The following COL18A1 variants were observed in gnomAD, a reference collection of about 807,000 sequenced individuals.
The protein encoded by COL18A1 is collagen alpha-1(XVIII) chain.
A neutral mutation model predicts 168.0 loss-of-function variants in COL18A1; 133 were observed. That is an observed-to-expected ratio of 0.79 (90% CI 0.69 to 0.91). The LOEUF is 0.91. Among genes scored for constraint, COL18A1 ranks in the 40% least tolerant of loss-of-function variants. The pLI is 0.00. For synonymous variants in COL18A1, 949 were observed against 809.0 expected, an observed-to-expected ratio of 1.17 and a Z score of -2.94; for missense variants, 2,126 against 1,925.4, an observed-to-expected ratio of 1.10 and a Z score of -1.95.
Position 45,467,437 on chromosome 21 carries a change from A to G in COL18A1, c.107-805A>G, listed in dbSNP as rs375809183. 6.4e-4 allele frequency: 630 copies of G among 985,336 alleles called. 7 individuals are homozygous for G. In the South Asian group the frequency reaches 0.023, roughly 37 times the overall value. 61.0% of individuals were successfully genotyped at this position (985,336 alleles called of 1,614,324 possible). ...ACGTTGGCAGGTACGTCAGGCATGC[A>G]GCCCCTCCAAGGGGTGATTGTGGCC... On this transcript the variant is annotated intron_variant, in intron 2 of 41. Coordinates refer to ENST00000651438, the MANE Select transcript of COL18A1 (RefSeq NM_001379500.1).
At position 45,451,038 on chromosome 21, in the gene COL18A1, G is replaced by A. The variant is rs73909556; in HGVS notation, c.107-17204G>A. ...ACCTCTGGAGACAGGGCCCGACTCT[G>A]CAGGACGGCACCAGTGGGGGACAGC... On this transcript the variant is annotated intron_variant, in intron 2 of 41. Transcript: ENST00000651438. Among the ~76,000 whole-genome samples the A allele has an allele frequency of 5.4e-3, 826 of 152,368 alleles. 12 individuals are homozygous for A. The highest frequency in any genetic ancestry group is 0.019 in the African/African-American group (800 of 41,586).
At chr21:45,436,691 T>C (rs1403040559) in intron 2 of COL18A1, among the ~76,000 whole-genome samples, 1 of 142,162 alleles carries the variant, frequency 7.0e-6, no homozygotes, top group Non-Finnish European at 1.5e-5. Flanking sequence ...GGGAGGGAGC[T>C]GAGGCTGCTC....
At chr21:45,488,353 C>T (rs966324566) in intron 17 of COL18A1, 65 bp from the exon 18 acceptor site, 61 of 1,609,526 alleles carry the variant, frequency 3.8e-5, no homozygotes, top group South Asian at 2.9e-4. Context: ...GCTTTTCTTG[C>T]GGCAGACGCA....
At chr21:45,502,418 C>T (rs1346147232) in intron 32 of COL18A1, 1 of 152,214 alleles carries the variant, frequency 6.6e-6, no homozygotes, top group African/African-American at 2.4e-5. Flanking sequence ...TGTTTCTACA[C>T]ATCAGCCTAA....
intron 9 of COL18A1, among the ~76,000 whole-genome samples, chr21:45,479,226 C>T (rs907024333): frequency 6.6e-6 from 1 of 152,106 alleles, no homozygotes; most frequent in Non-Finnish European, 1.5e-5. Flanking sequence ...CACACATGCA[C>T]ACACAGCACA....
rs1193206994 is a variant in COL18A1, at chr21:45,509,587, G to A, written c.3481G>A (p.Asp1161Asn). 63 of 1,511,088 alleles carry A rather than the reference G, an allele frequency of 4.2e-5. No homozygotes were observed. Among genetic ancestry groups the A allele is most frequent in the Non-Finnish European group, 5.3e-5 (60 of 1,126,968 alleles). The allele number at this position is 1,511,088 out of a possible 1,614,324, so 93.6% of individuals were successfully genotyped here. A position where few individuals can be genotyped will look rare whatever the true frequency, so the allele number is the denominator to read the frequency against. Reference protein sequence around the residue: ...PTSPPAHSHRDFQPVLHLVAL... With the variant: ...PTSPPAHSHRNFQPVLHLVAL... ...AAGCCCACCCGCCCACAGCCACCGC[G>A]ACTTCCAGCCGGTGGTGAGTGCCCC... is the stretch of plus-strand genomic sequence containing the variant. The change falls in exon 39 of 42, where the codon GAC becomes AAC. Residue 1161 changes from aspartate to asparagine, a missense_variant. Asp to Asn is a conservative substitution (Grantham distance 23). Transcript: ENST00000651438.
Position 45,492,729 on chromosome 21 carries a change from C to A in COL18A1, c.2214+16C>A. The A allele has an allele frequency of 7.2e-7, 1 of 1,383,064 alleles. No individual in the cohort carries two copies. Among genetic ancestry groups the A allele is most frequent in the South Asian group, 1.2e-5 (1 of 85,636 alleles). 85.7% of individuals were successfully genotyped at this position (1,383,064 alleles called of 1,614,324 possible). ...AGGCTTTCCCGTGAGTAACCTGGTG[C>A]CAGAGCTGCATGCTGCCCGGCTGGG... On this transcript the variant is annotated intron_variant, in intron 24 of 41. Coordinates refer to ENST00000651438, the MANE Select transcript of COL18A1 (RefSeq NM_001379500.1).
chr21:45,480,538 T>C lies in COL18A1; in HGVS notation c.1452+18T>C. ...CCCTGCGGGTGAGTGGCCCTTAAAC[T>C]GCAGCGCTGCCCGATGTCTGTGCCC... On this transcript the variant is annotated intron_variant, in intron 12 of 41. Coordinates refer to ENST00000651438, the MANE Select transcript of COL18A1 (RefSeq NM_001379500.1). 1 of 1,613,942 alleles carries C rather than the reference T, an allele frequency of 6.2e-7. No homozygotes were observed. Among genetic ancestry groups the C allele is most frequent in the South Asian group, 1.1e-5 (1 of 91,084 alleles).
At chr21:45,459,535 TCCACCCCGCCGGC>T (rs2034970562) in intron 2 of COL18A1, among the ~76,000 whole-genome samples, 1 of 152,194 alleles carries the variant, frequency 6.6e-6, no homozygotes, top group South Asian at 2.1e-4. Flanking sequence ...GCCCTGTGTG[TCCACCCCGCCGGC>T]CCACCTCGAG....
In COL18A1 at chr21:45,477,444, C is replaced by T. The variant is rs372492704; in HGVS notation, c.962C>T (p.Thr321Met). Reference protein sequence around the residue: ...QTLPGSDSVSTWDGSVRTPGG... With the variant: ...QTLPGSDSVSMWDGSVRTPGG... ...CTTCCTGGCTCAGATTCTGTCTCCA[C>T]GTGGGACGGGAGTGTCCGGACCCCT... Residue 321 changes from threonine to methionine, a missense_variant, in exon 7 of 42, where the codon ACG (threonine) becomes ATG (methionine). By Grantham distance (81) the Thr-to-Met change is moderately conservative (BLOSUM62 -1). Coordinates refer to ENST00000651438, the MANE Select transcript of COL18A1 (RefSeq NM_001379500.1). 4.7e-5 allele frequency: 76 copies of T among 1,613,158 alleles called. No homozygotes were observed. Among genetic ancestry groups the T allele is most frequent in the East Asian group, 6.7e-5 (3 of 44,858 alleles).
intron 9 of COL18A1, 76 bp from the exon 10 acceptor site, chr21:45,479,826 G>T: frequency 6.3e-7 from 1 of 1,595,694 alleles, no homozygotes. Flanking sequence ...CCTGCTTGGG[G>T]GAGGAGCACT....
In COL18A1 at chr21:45,483,367, T is replaced by A. The variant is rs533228394; in HGVS notation, c.1701+546T>A. Among the ~76,000 whole-genome samples the A allele has an allele frequency of 2.6e-5, 4 of 152,286 alleles. No homozygotes were observed. The East Asian group carries it at 7.7e-4, about 29-fold the overall frequency. ...CCTGGCCCAGAGTCTGCTCAGACCC[T>A]CTGGACTCGGGGCAGCTGCTCTCCA... is the stretch of plus-strand genomic sequence containing the variant. On this transcript the variant is annotated intron_variant, in intron 15 of 41. Transcript: ENST00000651438.
At chr21:45,433,277 A>T (rs1311500423) in intron 2 of COL18A1, among the ~76,000 whole-genome samples, 2 of 152,226 alleles carry the variant, frequency 1.3e-5, no homozygotes, top group Admixed American at 1.3e-4. Flanking sequence ...TACGGCTCTT[A>T]AAAGCCCTTT....
At chr21:45,511,328 C>T (rs1484606711) in intron 41 of COL18A1, 102 bp downstream of exon 41, 1 of 709,494 alleles carries the variant, frequency 1.4e-6, no homozygotes, top group African/African-American at 1.8e-5. Context: ...TTGGACAAAT[C>T]TTATACATGC....
At chr21:45,502,169 G>C (rs935622342) in intron 32 of COL18A1, among the ~76,000 whole-genome samples, 1 of 152,186 alleles carries the variant, frequency 6.6e-6, no homozygotes, top group Non-Finnish European at 1.5e-5. Context: ...CAGCAGCAGT[G>C]ACCTCCAACC....
In COL18A1 at chr21:45,497,095, G is replaced by A. The variant is rs747192153; in HGVS notation, c.2620+3G>A. 4.5e-6 allele frequency: 7 copies of A among 1,572,892 alleles called. No individual in the cohort carries two copies. The highest frequency in any genetic ancestry group is 3.3e-5 in the South Asian group (3 of 90,470). On this transcript the variant is annotated splice_donor_region_variant and intron_variant, in intron 31 of 41. Transcript: ENST00000651438. ...CCCCGGGCCTCCAGGATTGCCAGGT[G>A]AGGGTCCTGGGCTCACAGCTGGGGA...
chr21:45,498,452 CCT>C lies in COL18A1; in HGVS notation c.2683+795_2683+796del, dbSNP rs2036623457. ...CGGTCCCCTCTCGCCGCCAGGGTCCCCTCTCGCCGCCACGGTCCCCGCTCGCC... is the reference window on the plus strand; with the variant it reads ...CGGTCCCCTCTCGCCGCCAGGGTCCCCTCGCCGCCACGGTCCCCGCTCGCC... On this transcript the variant is annotated intron_variant, in intron 32 of 41. Coordinates refer to ENST00000651438, the MANE Select transcript of COL18A1 (RefSeq NM_001379500.1). This position sits in a 1 kb window ranked among gnomAD's most constrained non-coding sequence, Gnocchi z 4.5. 1 of 701,296 alleles carries C rather than the reference CCT, an allele frequency of 1.4e-6. No individual in the cohort carries two copies. The highest frequency in any genetic ancestry group is 1.5e-5 in the South Asian group (1 of 67,006). The allele number at this position is 701,296 out of a possible 1,614,324, so 43.4% of individuals were successfully genotyped here.
At chr21:45,496,428 G>C (rs771726007) in intron 29 of COL18A1, 72 bp from the exon 30 acceptor site, 1 of 800,654 alleles carries the variant, frequency 1.2e-6, no homozygotes, top group African/African-American at 1.7e-5. Flanking sequence ...TGATTTTTCT[G>C]AACTGTCTCT....
At chr21:45,464,465 C>A (rs78163759) in intron 2 of COL18A1, among the ~76,000 whole-genome samples, 4,431 of 152,244 alleles carry the variant, frequency 0.029, 231 homozygotes, top group African/African-American at 0.1. Flanking sequence ...GTGTCCATCC[C>A]CCCATGGGTT....
Sources: allele counts gnomAD v4.1 joint callset (sites outside exome capture counted in the v4.1 genomes callset), GRCh38; gene constraint gnomAD v4.1.1; non-coding constraint Gnocchi (gnomAD v3.1); transcripts MANE v1.5; gene names NCBI Gene and HGNC (gene_info 2026-07-23, HGNC 2026-07-21).